The following SYNE2 variants were observed in gnomAD, a reference collection of about 807,000 sequenced individuals.
The protein encoded by SYNE2 is nesprin-2.
Under a neutral mutation model 856.3 loss-of-function variants are expected in SYNE2, and 431 were observed. That is an observed-to-expected ratio of 0.50 (90% CI 0.47 to 0.55). SYNE2 has a LOEUF of 0.55. SYNE2 is among the 20% of genes least tolerant of loss of function. The pLI is 0.00. For synonymous variants in SYNE2, 2,923 were observed against 2,872.3 expected (o/e 1.02, Z -0.56); for missense variants, 8,129 against 8,023.2 (o/e 1.01, Z -0.50).
chr14:63,809,098 G>A lies in SYNE2; in HGVS notation c.-304-43403G>A, dbSNP rs149404637. ...AACTTGGCTGCTTTGCTGGGTTTTG[G>A]ATGTTTGGGTGGACCACTTGGCTCA... On this transcript the variant is annotated intron_variant, in intron 1 of 23. Coordinates refer to the SYNE2 transcript ENST00000674003. Among the ~76,000 whole-genome samples the A allele has an allele frequency of 1.1e-4, 16 of 152,232 alleles. No individual in the cohort carries two copies. In the East Asian group the frequency reaches 3.1e-3, roughly 29 times the overall value.
intron 103 of SYNE2, among the ~76,000 whole-genome samples, chr14:64,210,544 C>T (rs1009928142): frequency 6.6e-6 from 1 of 152,192 alleles, no homozygotes; most frequent in African/African-American, 2.4e-5. Flanking sequence ...ATGGACAAGG[C>T]ACGTGAATGC....
chr14:63,975,995 A>T (rs189263792), intron 11 of SYNE2, among the ~76,000 whole-genome samples: 6 of 152,304 alleles, frequency 3.9e-5, no homozygotes, highest in Non-Finnish European at 7.4e-5. Context: ...AAGCAGTCAG[A>T]GTGTGTTTCT....
Position 64,129,844 on chromosome 14 carries a change from T to G in SYNE2, c.14082T>G (p.Asp4694Glu). The G allele has an allele frequency of 6.2e-7, 1 of 1,614,134 alleles. No homozygotes were observed. The highest frequency in any genetic ancestry group is 1.1e-5 in the South Asian group (1 of 91,082). ...AGAGCCGAGTGGCCAAACTAAGAGA[T>G]GAAGGGGAGAGGCTTCATTTACCTT... ...NAESRVAKLR[D>E]EGERLHLPYA... Residue 4694 changes from aspartate (D) to glutamate (E), a missense_variant, in exon 75 of 116, where the codon GAT becomes GAG. Asp to Glu is a conservative substitution (Grantham distance 45). Transcript: ENST00000555002.
At chr14:63,783,688 C>T (rs1887412171) in intron 1 of SYNE2, among the ~76,000 whole-genome samples, 1 of 152,044 alleles carries the variant, frequency 6.6e-6, no homozygotes. Context: ...AAATATCTGG[C>T]CAGAGGAGCA....
chr14:64,167,601 A>G lies in SYNE2; in HGVS notation c.16867A>G (p.Ser5623Gly). ...EEALKVDVANSLPELLEQQKT... is the reference protein window; with the variant it reads ...EEALKVDVANGLPELLEQQKT... Reference sequence around the variant, plus strand: ...AGCACTCAAAGTGGATGTGGCTAACAGCCTTCCTGAGCTCCTGGAGCAGCA... The same window carrying G: ...AGCACTCAAAGTGGATGTGGCTAACGGCCTTCCTGAGCTCCTGGAGCAGCA... The change falls in exon 92 of 116, where the codon AGC becomes GGC. Residue 5623 changes from serine (S) to glycine (G), a missense_variant. Around this residue, in one of 3 missense-constraint regions of SYNE2, gnomAD observed 5,410 missense variants for 5,284.8 expected, o/e 1.02. Coordinates refer to ENST00000555002, the MANE Select transcript of SYNE2 (RefSeq NM_182914.3). 8.7e-6 allele frequency: 14 copies of G among 1,614,234 alleles called. No homozygotes were observed. Among genetic ancestry groups the G allele is most frequent in the Non-Finnish European group, 1.2e-5 (14 of 1,180,038 alleles).
At chr14:64,181,600 C>T in intron 96 of SYNE2, among the ~76,000 whole-genome samples, 1 of 152,114 alleles carries the variant, frequency 6.6e-6, no homozygotes, top group Non-Finnish European at 1.5e-5. Context: ...TGAAAAGATC[C>T]CAAGTAACCC....
At chr14:64,098,961 C>G (rs149018845) in intron 63 of SYNE2, 140 bp downstream of exon 63, 1 of 830,760 alleles carries the variant, frequency 1.2e-6, no homozygotes, top group Non-Finnish European at 2.0e-6. Flanking sequence ...TGAAGTAGTT[C>G]TCTTATGTTA....
chr14:63,851,975 C>CGGG (rs113075796), upstream of SYNE2, among the ~76,000 whole-genome samples: 1 of 23,600 alleles, frequency 4.2e-5, no homozygotes, highest in Non-Finnish European at 6.8e-5. Flanking sequence ...AGCTACTAAG[C>CGGG]GGGGGGGGGG....
At position 64,062,782 on chromosome 14, in the gene SYNE2, A is replaced by T; in HGVS notation, c.10099A>T (p.Met3367Leu). Residue 3367 changes from methionine to leucine, a missense_variant, in exon 50 of 116, where the codon ATG becomes TTG. Physicochemically the swap from Met to Leu is conservative, Grantham distance 15. Coordinates refer to ENST00000555002, the MANE Select transcript of SYNE2 (RefSeq NM_182914.3). Reference sequence around the variant, plus strand: ...TGAGAATTACAAATGCTATAGAAAAATGGAAGAGGATATTTACACTAACCT... The same window carrying T: ...TGAGAATTACAAATGCTATAGAAAATTGGAAGAGGATATTTACACTAACCT... Reference protein sequence around the residue: ...YLENYKCYRKMEEDIYTNLSK... With the variant: ...YLENYKCYRKLEEDIYTNLSK... 1.9e-6 allele frequency: 3 copies of T among 1,613,984 alleles called. No individual in the cohort carries two copies. The highest frequency in any genetic ancestry group is 2.5e-6 in the Non-Finnish European group (3 of 1,179,864).
Position 64,225,710 on chromosome 14 carries a change from C to G in SYNE2, c.*184C>G. 2.9e-6 allele frequency: 2 copies of G among 687,012 alleles called. No homozygotes were observed. Among genetic ancestry groups the G allele is most frequent in the South Asian group, 3.3e-5 (2 of 59,838 alleles). The allele number at this position is 687,012 out of a possible 1,614,324, so 42.6% of individuals were successfully genotyped here. A position where few individuals can be genotyped will look rare whatever the true frequency, so the allele number is the denominator to read the frequency against. On this transcript the variant is annotated 3_prime_UTR_variant, in exon 116 of 116. Coordinates refer to ENST00000555002, the MANE Select transcript of SYNE2 (RefSeq NM_182914.3). ...GCAGCTTTCAGATTGTGTTCCTCCC[C>G]AGGAGCAGGGAACCTGTGTGGCAGG...
rs538545124 is a variant in SYNE2, at chr14:64,065,752, T to A, written c.10431+102T>A. Reference sequence around the variant, plus strand: ...TTCTATAAAACGAGTCCTTAGCCTATACCATTTGTGCACATCACTTATACA... The same window carrying A: ...TTCTATAAAACGAGTCCTTAGCCTAAACCATTTGTGCACATCACTTATACA... On this transcript the variant is annotated intron_variant, in intron 51 of 115. Transcript: ENST00000555002. 8 of 1,313,242 alleles carry A rather than the reference T, an allele frequency of 6.1e-6. No individual in the cohort carries two copies. The South Asian group carries it at 8.9e-5, about 15-fold the overall frequency. 81.3% of individuals were successfully genotyped at this position (1,313,242 alleles called of 1,614,324 possible).
chr14:64,119,096 C>G (rs1024917114), intron 66 of SYNE2, among the ~76,000 whole-genome samples: 7 of 152,170 alleles, frequency 4.6e-5, no homozygotes, highest in African/African-American at 1.7e-4. Context: ...GGACTGGGAT[C>G]TGAAACCAGA....
intron 1 of SYNE2, among the ~76,000 whole-genome samples, chr14:63,868,277 C>T (rs1340583834): frequency 6.6e-6 from 1 of 151,830 alleles, no homozygotes; most frequent in East Asian, 1.9e-4. Flanking sequence ...AATAAGAACC[C>T]AAGCCTGAGT....
At chr14:64,121,194 A>C in intron 68 of SYNE2, 133 bp downstream of exon 68, 1 of 1,272,042 alleles carries the variant, frequency 7.9e-7, no homozygotes, top group South Asian at 1.3e-5. Flanking sequence ...GTTCGAGGCC[A>C]GCCTGGGCAA....
intron 1 of SYNE2, among the ~76,000 whole-genome samples, chr14:63,804,292 AT>A (rs202183818): frequency 2.7e-5 from 4 of 150,310 alleles, no homozygotes; most frequent in African/African-American, 7.3e-5. Context: ...CATGGTTTGC[AT>A]TTTTTTTTCC....
intron 96 of SYNE2, 142 bp from the exon 97 acceptor site, chr14:64,186,282 G>C (rs540197470): frequency 1.9e-6 from 2 of 1,052,190 alleles, no homozygotes; most frequent in African/African-American, 3.1e-5. Flanking sequence ...GCTCGTCTTG[G>C]GCTGTTTCCC....
intron 28 of SYNE2, 40 bp from the exon 29 acceptor site, chr14:64,001,894 G>C (rs1197931680): frequency 6.2e-7 from 1 of 1,611,560 alleles, no homozygotes; most frequent in Admixed American, 1.7e-5. Flanking sequence ...ATATCTTTCT[G>C]CTGTGTTTTC....
chr14:63,850,277 G>A (rs867189764), upstream of SYNE2, among the ~76,000 whole-genome samples: 6 of 147,202 alleles, frequency 4.1e-5, no homozygotes, highest in East Asian at 4.0e-4. Flanking sequence ...TAGTAGAGAC[G>A]GGGTTTCACC....
At chr14:64,098,999 T>C (rs2097699749) in intron 63 of SYNE2, 178 bp downstream of exon 63, 4 of 655,362 alleles carry the variant, frequency 6.1e-6, no homozygotes, top group Non-Finnish European at 1.1e-5. Context: ...GGAAACCTAC[T>C]TCACTGTGTA....
Sources: gnomAD v4.1 joint callset for allele counts (sites outside exome capture counted in the v4.1 genomes callset) on GRCh38, gnomAD v4.1.1 for gene constraint, gnomAD v4.1.1 regional missense constraint, MANE v1.5 for transcripts, NCBI Gene and HGNC (gene_info 2026-07-23, HGNC 2026-07-21) for gene names.